Variants in GYG1 observed in about 807,000 individuals in gnomAD.
GYG1 encodes glycogenin 1.
A neutral mutation model predicts 41.9 loss-of-function variants in GYG1; 44 were observed. The ratio of observed to expected loss-of-function variants is 1.05; its 90% CI spans 0.83 to 1.35. GYG1 has a LOEUF of 1.35. Ranked by LOEUF, GYG1 falls within the 40% of genes most tolerant of loss-of-function variation. GYG1 has a pLI of 0.00. For synonymous variants in GYG1, 141 were observed against 158.1 expected (o/e 0.89, Z 0.81); for missense variants, 429 against 418.9 (o/e 1.02, Z -0.21).
rs199506295 is a variant in GYG1 at position 148,994,129 on chromosome 3, T to C, written c.8-13T>C. On this transcript the variant is annotated splice_polypyrimidine_tract_variant and intron_variant, in intron 1 of 7. Coordinates refer to ENST00000345003, the MANE Select transcript of GYG1 (RefSeq NM_004130.4). ...GATACTGTAATGAGTGTTTTTTTTTTCTTTGTATTAAGATCAGGCCTTTGT... is the reference window on the plus strand; with the variant it reads ...GATACTGTAATGAGTGTTTTTTTTTCCTTTGTATTAAGATCAGGCCTTTGT... 2.4e-5 allele frequency: 39 copies of C among 1,612,238 alleles called. No individual in the cohort carries two copies. In the Middle Eastern group the frequency reaches 2.1e-3, roughly 88 times the overall value.
intron 5 of GYG1, among the ~76,000 whole-genome samples, chr3:149,019,514 G>T (rs896648482): frequency 6.6e-6 from 1 of 152,146 alleles, no homozygotes; most frequent in African/African-American, 2.4e-5. Flanking sequence ...GACCCCTTAA[G>T]ATCCCAGTTT....
intron 2 of GYG1, among the ~76,000 whole-genome samples, chr3:148,995,007 CCGT>C: frequency 6.6e-6 from 1 of 152,162 alleles, no homozygotes; most frequent in East Asian, 1.9e-4. Context: ...ATGGCGAAAC[CCGT>C]CTCTACTAAA....
chr3:148,996,971 G>C (rs1712835733), intron 4 of GYG1, 67 bp downstream of exon 4: 1 of 1,176,786 alleles, frequency 8.5e-7, no homozygotes, highest in Admixed American at 1.7e-5. Context: ...GCTCTTCTCA[G>C]GAATATAATT....
rs192306029 is a variant in GYG1, at chr3:149,003,608, A to T, written c.482-5668A>T. 2.0e-5 allele frequency among the ~76,000 whole-genome samples: 3 copies of T among 152,328 alleles called. No individual in the cohort carries two copies. The East Asian group carries it at 5.8e-4, about 29-fold the overall frequency. On this transcript the variant is annotated intron_variant, in intron 4 of 7. Transcript: ENST00000345003. The stretch of plus-strand genomic sequence containing the variant: ...AAGTCGTTCTTCAAAAGACTCTAGT[A>T]CTTCTCAAATTTAATATGCAGACAA...
chr3:148,996,685 A>G (rs1712811977), intron 3 of GYG1, 57 bp from the exon 4 acceptor site: 10 of 1,516,998 alleles, frequency 6.6e-6, no homozygotes, highest in Non-Finnish European at 9.2e-6. Flanking sequence ...GAAGAACTCA[A>G]GAAGGGTATT....
intron 6 of GYG1, among the ~76,000 whole-genome samples, chr3:149,024,781 A>G (rs1423846699): frequency 6.6e-6 from 1 of 152,214 alleles, no homozygotes; most frequent in African/African-American, 2.4e-5. Context: ...TGAAAAAGAA[A>G]TATCTTTGTA....
At chr3:149,014,830 T>C (rs1414714432) in intron 5 of GYG1, among the ~76,000 whole-genome samples, 1 of 148,006 alleles carries the variant, frequency 6.8e-6, no homozygotes, top group African/African-American at 2.5e-5. Flanking sequence ...ATTGCACCAC[T>C]GCACTCCAGC....
intron 4 of GYG1, chr3:149,003,870 G>C (rs891368531): frequency 1.3e-5 from 2 of 152,200 alleles, no homozygotes; most frequent in Admixed American, 1.3e-4. Flanking sequence ...CCAGCAAACT[G>C]TGGAAGAGCA....
At position 149,028,752 on chromosome 3, in the gene GYG1, C is replaced by T. The variant is rs561873804; in HGVS notation, c.*1819C>T. Among the ~76,000 whole-genome samples the T allele has an allele frequency of 5.9e-5, 8 of 136,212 alleles. No homozygotes were observed. The highest frequency in any genetic ancestry group is 2.3e-4 in the African/African-American group (8 of 35,464). The allele number at this position is 136,212 out of a possible 152,430, so 89.4% of individuals were successfully genotyped here. On this transcript the variant is annotated 3_prime_UTR_variant, in exon 8 of 8. Coordinates refer to ENST00000345003, the MANE Select transcript of GYG1 (RefSeq NM_004130.4). Reference sequence around the variant, plus strand: ...TTCTTGAGGCAGAGTCTTGCTCTGTCAGTCAGTCACCAGGCTGGAGTGCAG... The same window carrying T: ...TTCTTGAGGCAGAGTCTTGCTCTGTTAGTCAGTCACCAGGCTGGAGTGCAG...
intron 5 of GYG1, 73 bp from the exon 6 acceptor site, chr3:149,023,980 C>T (rs1276980662): frequency 9.9e-7 from 1 of 1,011,044 alleles, no homozygotes; most frequent in Non-Finnish European, 1.6e-6. Flanking sequence ...TAGAAAAGTG[C>T]TACTAAGTGC....
chr3:148,991,543 C>A lies in GYG1; in HGVS notation c.-98C>A. On this transcript the variant is annotated 5_prime_UTR_variant, in exon 1 of 8. Transcript: ENST00000345003. The stretch of plus-strand genomic sequence containing the variant: ...GCGCACGGGGCAGACGCTCGGTTCC[C>A]CGCCGTGCCTCCTCGCTGGCCGCGC... 6.8e-7 allele frequency: 1 copy of A among 1,480,142 alleles called. No individual in the cohort carries two copies. Among genetic ancestry groups the A allele is most frequent in the South Asian group, 1.2e-5 (1 of 82,538 alleles). 91.7% of individuals were successfully genotyped at this position (1,480,142 alleles called of 1,614,324 possible). A position where few individuals can be genotyped will look rare whatever the true frequency, so the allele number is the denominator to read the frequency against.
chr3:149,004,024 A>G (rs1713255991), intron 4 of GYG1: 1 of 152,246 alleles, frequency 6.6e-6, no homozygotes, highest in Non-Finnish European at 1.5e-5. Context: ...CAGAAGACCT[A>G]GAAAGTACCA....
chr3:149,006,587 G>A (rs958214471), intron 4 of GYG1, among the ~76,000 whole-genome samples: 4 of 152,068 alleles, frequency 2.6e-5, no homozygotes, highest in South Asian at 2.1e-4. Context: ...AGTTTGTTCC[G>A]TCTTATAGCT....
Position 149,030,251 on chromosome 3 carries a change from A to AAGAC in GYG1, c.*3320_*3323dup, listed in dbSNP as rs1248882476. 7.2e-5 allele frequency: 11 copies of AAGAC among 152,326 alleles called. No homozygotes were observed. Among genetic ancestry groups the AAGAC allele is most frequent in the Admixed American group, 3.3e-4 (5 of 15,308 alleles). The allele number at this position is 152,326 out of a possible 1,614,324, so 9.4% of individuals were successfully genotyped here. On this transcript the variant is annotated 3_prime_UTR_variant, in exon 8 of 8. Coordinates refer to ENST00000345003, the MANE Select transcript of GYG1 (RefSeq NM_004130.4). Reference sequence around the variant, plus strand: ...TAAAGTTATTTTTCTATATAATAATAAGACAACAGCATAGCATATAGGAAG... The same window carrying AAGAC: ...TAAAGTTATTTTTCTATATAATAATAAGACAGACAACAGCATAGCATATAGGAAG...
At chr3:149,014,107 G>A (rs1713887839) in intron 5 of GYG1, among the ~76,000 whole-genome samples, 1 of 151,928 alleles carries the variant, frequency 6.6e-6, no homozygotes, top group African/African-American at 2.4e-5. Context: ...AGTCTGTCAT[G>A]GTTTGAGTGT....
Position 148,994,194 on chromosome 3 carries a change from G to A in GYG1, c.60G>A (p.Leu20=), listed in dbSNP as rs145419359. Residue 20 remains leucine, a synonymous_variant, in exon 2 of 8, where the codon CTG becomes CTA. Coordinates refer to ENST00000345003, the MANE Select transcript of GYG1 (RefSeq NM_004130.4). The part of the protein sequence containing the change: ...TTNDAYAKGA[L]VLGSSLKQHR... ...ACGATGCCTACGCCAAAGGTGCCCT[G>A]GTCCTGGGATCATCTCTGAAACAGC... 7.4e-5 allele frequency: 119 copies of A among 1,613,844 alleles called. 1 individual carries two copies. The African/African-American group carries it at 1.3e-3, about 18-fold the overall frequency.
At chr3:148,993,952 C>G (rs1401616190) in intron 1 of GYG1, among the ~76,000 whole-genome samples, 190 bp from the exon 2 acceptor site, 1 of 152,162 alleles carries the variant, frequency 6.6e-6, no homozygotes, top group Admixed American at 6.5e-5. Context: ...TATGTGCCTG[C>G]TATGATCTTG....
At chr3:149,002,872 T>C (rs1231198385) in intron 4 of GYG1, among the ~76,000 whole-genome samples, 1 of 151,934 alleles carries the variant, frequency 6.6e-6, no homozygotes, top group Non-Finnish European at 1.5e-5. Flanking sequence ...AATGCAAAAA[T>C]TAGCCGGGTG....
chr3:149,011,919 T>A (rs1713754435), intron 5 of GYG1, among the ~76,000 whole-genome samples: 1 of 152,158 alleles, frequency 6.6e-6, no homozygotes, highest in Non-Finnish European at 1.5e-5. Flanking sequence ...GTGCAGCTTG[T>A]GGGGGTCAGC....
Sources: gnomAD v4.1 joint callset for allele counts (sites outside exome capture counted in the v4.1 genomes callset) on GRCh38, gnomAD v4.1.1 for gene constraint, MANE v1.5 for transcripts, NCBI Gene and HGNC (gene_info 2026-07-23, HGNC 2026-07-21) for gene names.